Variants in YY1 observed in about 807,000 individuals in gnomAD.
YY1 encodes the protein transcriptional repressor protein YY1.
In YY1, 2 loss-of-function variants were observed where a neutral mutation model predicts 35.6. The ratio of observed to expected loss-of-function variants is 0.06; its 90% CI spans 0.02 to 0.18. The LOEUF (loss-of-function observed/expected upper bound fraction) is 0.18. YY1 is among the 10% of genes least tolerant of loss of function. YY1 has a pLI of 1.00. For synonymous variants in YY1, 268 were observed against 238.9 expected (o/e 1.12, Z -1.12); for missense variants, 322 against 573.4 (o/e 0.56, Z 4.48).
chr14:100,277,616 C>A lies in YY1; in HGVS notation c.*16C>A, dbSNP rs1891341592. The A allele has an allele frequency of 2.5e-6, 4 of 1,612,964 alleles. No homozygotes were observed. Among genetic ancestry groups the A allele is most frequent in the Admixed American group, 3.3e-5 (2 of 59,970 alleles). On this transcript the variant is annotated 3_prime_UTR_variant, in exon 5 of 5. Coordinates refer to ENST00000262238, the MANE Select transcript of YY1 (RefSeq NM_003403.5). The surrounding 1 kb of genome is among the most constrained non-coding windows in gnomAD (Gnocchi z 5.6). ...CAACCAGTGAAAAGAAGAGAGAAGA[C>A]CCTTCTCGACCACGGGAAGCATCTT...
Position 100,280,602 on chromosome 14 carries a change from C to T in YY1, c.*3002C>T, listed in dbSNP as rs1160653189. ...CAAGGCCTGAGGATTTGAGGAAAAT[C>T]GGGATTTTTTTTTTCCTATTTGGTT... On this transcript the variant is annotated 3_prime_UTR_variant, in exon 5 of 5. Transcript: ENST00000262238. 2 of 151,926 alleles carry T rather than the reference C, an allele frequency of 1.3e-5. No individual in the cohort carries two copies. The highest frequency in any genetic ancestry group is 2.4e-5 in the African/African-American group (1 of 41,328). 9.4% of individuals were successfully genotyped at this position (151,926 alleles called of 1,614,324 possible).
intron 2 of YY1, chr14:100,265,229 G>C (rs1566777956): frequency 6.6e-6 from 1 of 151,986 alleles, no homozygotes; most frequent in South Asian, 2.1e-4. Flanking sequence ...ATACAAAAAC[G>C]TAGCTGGGCT....
intron 2 of YY1, among the ~76,000 whole-genome samples, chr14:100,269,392 A>G (rs991432458): frequency 2.6e-5 from 4 of 152,180 alleles, no homozygotes; most frequent in African/African-American, 9.7e-5. Context: ...TCCAAGTCAC[A>G]CATCCCATAC....
rs144054874 is a variant in YY1, at chr14:100,242,110, G to A, written c.679+2187G>A. ...AGGTAAAGATACATTAACCACAAAA[G>A]TAAATTTACTTTTTCTCATAGTGTG... On this transcript the variant is annotated intron_variant, in intron 1 of 4. Coordinates refer to ENST00000262238, the MANE Select transcript of YY1 (RefSeq NM_003403.5). 9.5e-3 allele frequency among the ~76,000 whole-genome samples: 1,449 copies of A among 151,876 alleles called. 17 individuals carry two copies. Among genetic ancestry groups the A allele is most frequent in the African/African-American group, 0.034 (1,394 of 41,432 alleles).
At chr14:100,271,017 A>G (rs12323816) in intron 2 of YY1, among the ~76,000 whole-genome samples, 95,715 of 152,076 alleles carry the variant, frequency 0.63, 30,346 homozygotes, top group South Asian at 0.8. Flanking sequence ...AGGCCAAGGC[A>G]GGCGGATCAC....
chr14:100,278,784 ACCGCG>A lies in YY1; in HGVS notation c.*1186_*1190del, dbSNP rs1891365375. 6.6e-6 allele frequency: 1 copy of A among 152,204 alleles called. No homozygotes were observed. Among genetic ancestry groups the A allele is most frequent in the African/African-American group, 2.4e-5 (1 of 41,450 alleles). 9.4% of individuals were successfully genotyped at this position (152,204 alleles called of 1,614,324 possible). On this transcript the variant is annotated 3_prime_UTR_variant, in exon 5 of 5. Transcript: ENST00000262238. ...CAAGTGTGAGTGAAGCATCTGTACC[ACCGCG>A]CAGGCTGAGCGCCTGCGCAGGGTAA... is the stretch of plus-strand genomic sequence containing the variant.
chr14:100,263,892 T>A (rs1044052669), intron 2 of YY1: 2 of 152,096 alleles, frequency 1.3e-5, no homozygotes, highest in African/African-American at 2.4e-5. Flanking sequence ...ACATGGAGGT[T>A]CTCACTGTGT....
intron 1 of YY1, among the ~76,000 whole-genome samples, chr14:100,254,940 A>AT (rs35165026): frequency 0.2 from 5,907 of 29,432 alleles, 1,214 homozygotes; most frequent in East Asian, 0.3. Flanking sequence ...CGCCCAGCTA[A>AT]TTTTTTTTTT....
chr14:100,259,317 G>A (rs964197854), intron 1 of YY1, among the ~76,000 whole-genome samples: 2 of 152,110 alleles, frequency 1.3e-5, no homozygotes, highest in Non-Finnish European at 2.9e-5. Flanking sequence ...TCAAGAGATC[G>A]AGACCATCCT....
At chr14:100,242,435 C>G (rs1415406593) in intron 1 of YY1, among the ~76,000 whole-genome samples, 1 of 132,108 alleles carries the variant, frequency 7.6e-6, no homozygotes, top group African/African-American at 2.8e-5. Context: ...GTCGCCCAGG[C>G]TGGTGTGCAG....
At position 100,276,322 on chromosome 14, in the gene YY1, G is replaced by T; in HGVS notation, c.904-168G>T. The T allele has an allele frequency of 1.1e-6, 1 of 905,676 alleles. No individual in the cohort carries two copies. 56.1% of individuals were successfully genotyped at this position (905,676 alleles called of 1,614,324 possible). On this transcript the variant is annotated intron_variant, in intron 3 of 4. Coordinates refer to ENST00000262238, the MANE Select transcript of YY1 (RefSeq NM_003403.5). The surrounding 1 kb of genome is among the most constrained non-coding windows in gnomAD (Gnocchi z 4.1). ...TGAATGATGACTTTTTCAGCTGTCT[G>T]CTTTTTGTCTTAAATGATATTAATG...
rs528638937 is a variant in YY1 at position 100,266,028 on chromosome 14, G to A, written c.842+3562G>A. On this transcript the variant is annotated intron_variant, in intron 2 of 4. Coordinates refer to ENST00000262238, the MANE Select transcript of YY1 (RefSeq NM_003403.5). The stretch of plus-strand genomic sequence containing the variant: ...CTCAGAATCATGGCAGGAGGCAAAA[G>A]GCATTTCTTACTTGGTGGCGGCAAG... Among the ~76,000 whole-genome samples, 26 of 152,226 alleles carry A rather than the reference G, an allele frequency of 1.7e-4. No individual in the cohort carries two copies. In the South Asian group the frequency reaches 5.2e-3, roughly 30 times the overall value.
intron 1 of YY1, among the ~76,000 whole-genome samples, chr14:100,252,349 G>A (rs896722253): frequency 2.6e-5 from 4 of 152,156 alleles, no homozygotes; most frequent in Admixed American, 1.3e-4. Context: ...ATGGGCCAGC[G>A]GCTTATTTAT....
intron 1 of YY1, among the ~76,000 whole-genome samples, chr14:100,247,714 A>T (rs1216124024): frequency 2.0e-5 from 3 of 152,196 alleles, no homozygotes; most frequent in African/African-American, 7.2e-5. Context: ...ACAGCACGTA[A>T]GGGGAGCCAA....
At chr14:100,249,760 G>GTTTTTTTTTTTTTTTTTTTTTT (rs34925666) in intron 1 of YY1, among the ~76,000 whole-genome samples, 2 of 143,012 alleles carry the variant, frequency 1.4e-5, no homozygotes, top group African/African-American at 5.3e-5. Context: ...TTTTTTTTTT[G>GTTTTTTTTTTTTTTTTTTTTTT]TTTGTTTTTG....
chr14:100,244,108 CAA>C (rs996921204), intron 1 of YY1, among the ~76,000 whole-genome samples: 29 of 110,928 alleles, frequency 2.6e-4, no homozygotes, highest in African/African-American at 2.3e-4. Flanking sequence ...ACTCCGTCTC[CAA>C]AAAAAAAAAA....
chr14:100,241,984 G>A lies in YY1; in HGVS notation c.679+2061G>A, dbSNP rs747655445. 1.5e-3 allele frequency among the ~76,000 whole-genome samples: 231 copies of A among 149,366 alleles called. 17 individuals carry two copies. The highest frequency in any genetic ancestry group is 2.0e-3 in the Non-Finnish European group (134 of 66,646). On this transcript the variant is annotated intron_variant, in intron 1 of 4. Transcript: ENST00000262238. ...AGCGAGACTCTGTCTCAAAAGGGGG[G>A]GGGGGGCATTTTTTTTTGTTAATAC...
intron 2 of YY1, among the ~76,000 whole-genome samples, chr14:100,268,083 A>T (rs544719452): frequency 6.6e-6 from 1 of 152,244 alleles, no homozygotes; most frequent in Admixed American, 6.5e-5. Flanking sequence ...GGCCCATAGA[A>T]CTTGTCCTGC....
chr14:100,240,969 G>GT (rs1481601287), intron 1 of YY1, among the ~76,000 whole-genome samples: 3 of 152,116 alleles, frequency 2.0e-5, no homozygotes, highest in African/African-American at 4.8e-5. Flanking sequence ...TAGAAAGCGG[G>GT]TTTTTTTGAG....
Sources: allele counts gnomAD v4.1 joint callset (sites outside exome capture counted in the v4.1 genomes callset), GRCh38; gene constraint gnomAD v4.1.1; non-coding constraint Gnocchi (gnomAD v3.1); transcripts MANE v1.5; gene names NCBI Gene and HGNC (gene_info 2026-07-23, HGNC 2026-07-21).